Variants in MYO3B observed in about 807,000 individuals in gnomAD.
MYO3B encodes the protein myosin IIIB.
A neutral mutation model predicts 174.6 loss-of-function variants in MYO3B; 156 were observed. The observed-to-expected ratio is 0.89, with a 90% CI of 0.78 to 1.02. MYO3B has a LOEUF of 1.02. Among genes scored for constraint, MYO3B ranks in the 50% least tolerant of loss-of-function variants. The pLI, the probability that MYO3B is intolerant of heterozygous loss-of-function variation, is 0.00. For synonymous variants in MYO3B, 563 were observed against 569.1 expected, an observed-to-expected ratio of 0.99 and a Z score of 0.15; for missense variants, 1,632 against 1,639.4, an observed-to-expected ratio of 1.00 and a Z score of 0.08.
chr2:170,268,679 A>C (rs954317439), intron 7 of MYO3B, among the ~76,000 whole-genome samples: 2 of 152,186 alleles, frequency 1.3e-5, no homozygotes, highest in African/African-American at 4.8e-5. Flanking sequence ...AAAACACATA[A>C]AACTGATAAA....
rs1393886946 is a variant in MYO3B at position 170,541,840 on chromosome 2, A to G, written c.3576-1066A>G. Among the ~76,000 whole-genome samples, 3 of 152,300 alleles carry G rather than the reference A, an allele frequency of 2.0e-5. No homozygotes were observed. In the East Asian group the frequency reaches 5.8e-4, roughly 29 times the overall value. The stretch of plus-strand genomic sequence containing the variant: ...ATATGATAAGCAAATATACACACAA[A>G]TAAATATAGAATTATAGTCCCCTCC... On this transcript the variant is annotated intron_variant, in intron 30 of 34. Transcript: ENST00000408978.
At chr2:170,410,860 A>G (rs1171578248) in intron 22 of MYO3B, among the ~76,000 whole-genome samples, 1 of 151,934 alleles carries the variant, frequency 6.6e-6, no homozygotes, top group Non-Finnish European at 1.5e-5. Flanking sequence ...TTTTTCTCCA[A>G]AAGATAGAGA....
intron 29 of MYO3B, among the ~76,000 whole-genome samples, chr2:170,515,416 T>C (rs1040841363): frequency 2.0e-5 from 3 of 152,178 alleles, no homozygotes; most frequent in Non-Finnish European, 4.4e-5. Flanking sequence ...GATCTTTCTA[T>C]GATCCAGAAC....
At chr2:170,217,066 C>T (rs546224956) in intron 5 of MYO3B, among the ~76,000 whole-genome samples, 10 of 151,168 alleles carry the variant, frequency 6.6e-5, no homozygotes, top group Non-Finnish European at 1.5e-4. Flanking sequence ...TATTCTGTGA[C>T]GTGAAAATTA....
intron 20 of MYO3B, 32 bp from the exon 21 acceptor site, chr2:170,405,513 A>G (rs775512515): frequency 2.5e-6 from 4 of 1,606,152 alleles, no homozygotes; most frequent in Admixed American, 1.7e-5. Flanking sequence ...AATAATTCAC[A>G]TTGTAACTCT....
At chr2:170,640,735 C>T (rs558569941) in intron 32 of MYO3B, 1 of 151,986 alleles carries the variant, frequency 6.6e-6, no homozygotes, top group African/African-American at 2.4e-5. Context: ...TTTAAGAAAC[C>T]CAGAACCTTC....
At position 170,400,177 on chromosome 2, in the gene MYO3B, G is replaced by A. The variant is rs1187159366; in HGVS notation, c.1792-11G>A. The A allele has an allele frequency of 3.1e-6, 5 of 1,613,848 alleles. No homozygotes were observed. Among genetic ancestry groups the A allele is most frequent in the Non-Finnish European group, 4.2e-6 (5 of 1,179,938 alleles). ...ATGACCTTCATATATGGTTCTTGAT[G>A]TCCTTTTCAGGAGGTGCACTCAGTG... On this transcript the variant is annotated splice_polypyrimidine_tract_variant and intron_variant, in intron 16 of 34. Coordinates refer to ENST00000408978, the MANE Select transcript of MYO3B (RefSeq NM_138995.5).
At chr2:170,407,152 ATAG>A (rs1290962341) in intron 21 of MYO3B, among the ~76,000 whole-genome samples, 1 of 152,102 alleles carries the variant, frequency 6.6e-6, no homozygotes, top group Non-Finnish European at 1.5e-5. Flanking sequence ...TTTATCTTTG[ATAG>A]TAGTCTTCAA....
intron 8 of MYO3B, chr2:170,347,889 A>G (rs1174845170): frequency 6.6e-6 from 1 of 152,246 alleles, no homozygotes; most frequent in Non-Finnish European, 1.5e-5. Flanking sequence ...CATCTATTAA[A>G]CAGCTACTCC....
chr2:170,351,115 T>C (rs943948353), intron 8 of MYO3B: 1 of 151,994 alleles, frequency 6.6e-6, no homozygotes, highest in African/African-American at 2.4e-5. Context: ...GAATGTTCAT[T>C]GTGATGGATG....
chr2:170,460,000 C>CCT (rs1288785479), intron 23 of MYO3B, among the ~76,000 whole-genome samples: 1 of 152,110 alleles, frequency 6.6e-6, no homozygotes, highest in East Asian at 1.9e-4. Context: ...CCAGCCCGTA[C>CCT]CTCTCCCTCT....
chr2:170,490,028 C>CTTTTTTTT (rs751661221), intron 25 of MYO3B, among the ~76,000 whole-genome samples: 1 of 145,890 alleles, frequency 6.9e-6, no homozygotes, highest in African/African-American at 2.6e-5. Context: ...AGTTTCTTTT[C>CTTTTTTTT]TTTCTTTTTT....
intron 5 of MYO3B, among the ~76,000 whole-genome samples, chr2:170,215,186 T>C (rs2092814366): frequency 6.6e-6 from 1 of 152,240 alleles, no homozygotes; most frequent in African/African-American, 2.4e-5. Flanking sequence ...AGAAAGCAGT[T>C]TGGTCTTTCA....
chr2:170,444,129 G>A lies in MYO3B; in HGVS notation c.2730+83G>A, dbSNP rs2094823085. The A allele has an allele frequency of 2.4e-6, 3 of 1,260,034 alleles. No individual in the cohort carries two copies. The African/African-American group carries it at 4.4e-5, about 18-fold the overall frequency. The allele number at this position is 1,260,034 out of a possible 1,614,324, so 78.1% of individuals were successfully genotyped here. On this transcript the variant is annotated intron_variant, in intron 23 of 34. Transcript: ENST00000408978. Reference sequence around the variant, plus strand: ...GATAATCTTAGAGTGGGCAGCATTAGTTCCCTTCTAGCAGCCCTCTGCCTG... The same window carrying A: ...GATAATCTTAGAGTGGGCAGCATTAATTCCCTTCTAGCAGCCCTCTGCCTG...
chr2:170,637,483 G>C (rs1697616197), intron 32 of MYO3B, among the ~76,000 whole-genome samples: 1 of 152,058 alleles, frequency 6.6e-6, no homozygotes, highest in Non-Finnish European at 1.5e-5. Flanking sequence ...TGAGTATAGG[G>C]ATATTTAAAA....
At chr2:170,276,892 A>G (rs1574701535) in intron 7 of MYO3B, among the ~76,000 whole-genome samples, 1 of 152,180 alleles carries the variant, frequency 6.6e-6, no homozygotes, top group African/African-American at 2.4e-5. Context: ...TATATAGTCT[A>G]AAAGGCAAGG....
intron 6 of MYO3B, among the ~76,000 whole-genome samples, chr2:170,218,907 T>A (rs1373372105): frequency 2.0e-5 from 3 of 152,218 alleles, no homozygotes. Context: ...AAAACTTCTT[T>A]GAATTTTGAA....
intron 25 of MYO3B, among the ~76,000 whole-genome samples, chr2:170,493,247 T>A (rs185306602): frequency 8.7e-4 from 133 of 152,342 alleles, no homozygotes; most frequent in African/African-American, 2.4e-3. Flanking sequence ...CCAATTTTTT[T>A]TCAGGTAGGA....
At chr2:170,568,511 T>A (rs1374584434) in intron 32 of MYO3B, among the ~76,000 whole-genome samples, 1 of 152,268 alleles carries the variant, frequency 6.6e-6, no homozygotes, top group Non-Finnish European at 1.5e-5. Flanking sequence ...TTGGTTTAGC[T>A]ATTGTGTGAC....
Sources: gnomAD v4.1 joint callset for allele counts (sites outside exome capture counted in the v4.1 genomes callset) on GRCh38, gnomAD v4.1.1 for gene constraint, MANE v1.5 for transcripts, NCBI Gene and HGNC (gene_info 2026-07-23, HGNC 2026-07-21) for gene names.